The following TRAPPC9 variants were observed in gnomAD, a reference collection of about 807,000 sequenced individuals.
TRAPPC9 encodes trafficking protein particle complex subunit 9, also known as IKK2 binding protein.
Under a neutral mutation model 124.0 loss-of-function variants are expected in TRAPPC9, and 83 were observed. The observed-to-expected ratio is 0.67, with a 90% CI of 0.56 to 0.80. The LOEUF (loss-of-function observed/expected upper bound fraction) is 0.80. TRAPPC9 is among the 30% of genes least tolerant of loss of function. TRAPPC9 has a pLI of 0.00. For missense variants in TRAPPC9, 1,302 were observed against 1,508.3 expected, an observed-to-expected ratio of 0.86 and a Z score of 2.27; for synonymous variants, 638 against 617.5, an observed-to-expected ratio of 1.03 and a Z score of -0.49.
At chr8:139,851,035 G>A (rs1236404794) in intron 21 of TRAPPC9, among the ~76,000 whole-genome samples, 1 of 152,214 alleles carries the variant, frequency 6.6e-6, no homozygotes, top group Non-Finnish European at 1.5e-5. Flanking sequence ...ACAAGCATCA[G>A]TAATGGAGAA....
rs1403285170 is a variant in TRAPPC9 at position 139,996,172 on chromosome 8, A to T, written c.2700-7336T>A. ...AAAAACTTAAGCAAAAAAAAAAAAAAAAAAAAAAAAGAAAGGAAAGAAAAA... is the reference window on the plus strand; with the variant it reads ...AAAAACTTAAGCAAAAAAAAAAAAATAAAAAAAAAAGAAAGGAAAGAAAAA... On this transcript the variant is annotated intron_variant, in intron 18 of 22. Coordinates refer to ENST00000438773, the MANE Select transcript of TRAPPC9 (RefSeq NM_001160372.4). 5.3e-4 allele frequency among the ~76,000 whole-genome samples: 78 copies of T among 147,712 alleles called. 1 individual carries two copies. The highest frequency in any genetic ancestry group is 1.8e-3 in the African/African-American group (72 of 40,776).
chr8:140,155,353 C>A (rs991762843), intron 17 of TRAPPC9, among the ~76,000 whole-genome samples: 3 of 152,114 alleles, frequency 2.0e-5, no homozygotes, highest in Non-Finnish European at 2.9e-5. Context: ...GTGGTAGCTA[C>A]GGGAAAAAGC....
chr8:140,276,371 T>C (rs2065120184), intron 14 of TRAPPC9, among the ~76,000 whole-genome samples: 1 of 152,118 alleles, frequency 6.6e-6, no homozygotes, highest in African/African-American at 2.4e-5. Context: ...TGGCGTCACA[T>C]GAGGGCAGCT....
At chr8:140,280,576 CTGCCACCA>C (rs1438924139) in intron 14 of TRAPPC9, among the ~76,000 whole-genome samples, 1 of 152,006 alleles carries the variant, frequency 6.6e-6, no homozygotes. Context: ...TTACAGGCTC[CTGCCACCA>C]TGCCCAGCTA....
intron 19 of TRAPPC9, among the ~76,000 whole-genome samples, chr8:139,941,495 G>T (rs752104492): frequency 9.9e-5 from 15 of 152,112 alleles, no homozygotes; most frequent in Non-Finnish European, 1.9e-4. Context: ...GCCCAGTATG[G>T]CAGGAGGGCA....
chr8:139,971,756 C>CACACACACACATACAG (rs1836097740), intron 19 of TRAPPC9, among the ~76,000 whole-genome samples: 3 of 146,802 alleles, frequency 2.0e-5, no homozygotes, highest in African/African-American at 7.6e-5. Context: ...TATACACACA[C>CACACACACACATACAG]ACACACACAT....
chr8:140,417,321 G>A (rs961905543), intron 5 of TRAPPC9, among the ~76,000 whole-genome samples: 5 of 152,098 alleles, frequency 3.3e-5, no homozygotes, highest in African/African-American at 9.7e-5. Context: ...CTGACAAAGG[G>A]CTAATATCCA....
intron 16 of TRAPPC9, among the ~76,000 whole-genome samples, chr8:140,231,812 CACCTATTT>C (rs1240372921): frequency 6.6e-6 from 1 of 152,106 alleles, no homozygotes; most frequent in Non-Finnish European, 1.5e-5. Flanking sequence ...CTACCCTTTT[CACCTATTT>C]AAGTCCTGCC....
intron 9 of TRAPPC9, among the ~76,000 whole-genome samples, chr8:140,342,779 T>C (rs1283136524): frequency 6.6e-6 from 1 of 152,152 alleles, no homozygotes; most frequent in African/African-American, 2.4e-5. Context: ...TATATATACA[T>C]ATATCCTTGG....
intron 17 of TRAPPC9, among the ~76,000 whole-genome samples, chr8:140,057,372 G>A (rs937361424): frequency 3.3e-5 from 5 of 152,210 alleles, no homozygotes; most frequent in Non-Finnish European, 7.3e-5. Context: ...GGATCTCAGA[G>A]AGATATGTAC....
chr8:140,028,763 C>T (rs572867025), intron 17 of TRAPPC9, among the ~76,000 whole-genome samples: 51 of 152,172 alleles, frequency 3.4e-4, no homozygotes, highest in Middle Eastern at 6.8e-3. Flanking sequence ...AATTGTGACA[C>T]GTTGTGTCAT....
intron 21 of TRAPPC9, among the ~76,000 whole-genome samples, chr8:139,847,977 G>A (rs566780321): frequency 2.0e-5 from 3 of 152,340 alleles, no homozygotes; most frequent in African/African-American, 7.2e-5. Flanking sequence ...GGGGCACGTG[G>A]GGCCTGGACT....
At chr8:139,901,754 C>G (rs940288736) in intron 20 of TRAPPC9, among the ~76,000 whole-genome samples, 1 of 152,236 alleles carries the variant, frequency 6.6e-6, no homozygotes, top group Non-Finnish European at 1.5e-5. Flanking sequence ...CTAGATGGAG[C>G]TGAGCACACA....
intron 17 of TRAPPC9, among the ~76,000 whole-genome samples, chr8:140,037,712 A>T (rs1840988489): frequency 8.9e-6 from 1 of 112,188 alleles, no homozygotes; most frequent in Non-Finnish European, 2.3e-5. Flanking sequence ...ACAGACACAC[A>T]TACACCACAC....
chr8:139,965,321 C>A (rs76744943), intron 19 of TRAPPC9, among the ~76,000 whole-genome samples: 1 of 152,166 alleles, frequency 6.6e-6, no homozygotes, highest in African/African-American at 2.4e-5. Context: ...AGATTCTCCC[C>A]GCATGACAAT....
Position 140,350,670 on chromosome 8 carries a change from C to G in TRAPPC9, c.1495+9380G>C, listed in dbSNP as rs111738110. On this transcript the variant is annotated intron_variant, in intron 9 of 22. Transcript: ENST00000438773. ...ACGGCACTGGAGGTGAGCCCTCATG[C>G]AGAAGCGCACCGTTCAAGATCGCCC... Among the ~76,000 whole-genome samples, 253 of 152,160 alleles carry G rather than the reference C, an allele frequency of 1.7e-3. 1 individual carries two copies. Among genetic ancestry groups the G allele is most frequent in the African/African-American group, 5.7e-3 (236 of 41,522 alleles).
intron 16 of TRAPPC9, among the ~76,000 whole-genome samples, chr8:140,234,990 G>A (rs752028477): frequency 5.9e-5 from 9 of 151,428 alleles, no homozygotes; most frequent in Non-Finnish European, 1.2e-4. Flanking sequence ...TTTTTTCTGC[G>A]TTGGAGTTTC....
intron 17 of TRAPPC9, among the ~76,000 whole-genome samples, chr8:140,217,460 CA>C (rs2063222795): frequency 2.0e-5 from 3 of 152,174 alleles, no homozygotes; most frequent in Admixed American, 2.0e-4. Context: ...CGGCCTCTGG[CA>C]GGATCTAAGC....
At chr8:140,360,687 C>T (rs997388632) in intron 8 of TRAPPC9, among the ~76,000 whole-genome samples, 7 of 152,052 alleles carry the variant, frequency 4.6e-5, no homozygotes, top group Admixed American at 6.6e-5. Flanking sequence ...AACAGTTTAG[C>T]ATCTTTGAAT....
Sources: gnomAD v4.1 joint callset for allele counts (sites outside exome capture counted in the v4.1 genomes callset) on GRCh38, gnomAD v4.1.1 for gene constraint, MANE v1.5 for transcripts, NCBI Gene and HGNC (gene_info 2026-07-23, HGNC 2026-07-21) for gene names.